The following DPYSL2 variants were observed in gnomAD, a reference collection of about 807,000 sequenced individuals.
The protein encoded by DPYSL2 is dihydropyrimidinase-related protein 2.
In DPYSL2, 13 loss-of-function variants were observed where a neutral mutation model predicts 69.9. The ratio of observed to expected loss-of-function variants is 0.19; its 90% CI spans 0.12 to 0.30. The LOEUF (loss-of-function observed/expected upper bound fraction) is 0.30. Ranked by LOEUF, DPYSL2 falls within the 10% of genes least tolerant of loss-of-function variation. DPYSL2 has a pLI of 1.00. For missense variants in DPYSL2, 587 were observed against 918.9 expected, an observed-to-expected ratio of 0.64 and a Z score of 4.67; for synonymous variants, 326 against 359.1, an observed-to-expected ratio of 0.91 and a Z score of 1.04.
chr8:26,558,199 A>T (rs11984763), intron 1 of DPYSL2, among the ~76,000 whole-genome samples: 133,065 of 152,134 alleles, frequency 0.87, 58,598 homozygotes, highest in East Asian at 0.99. Flanking sequence ...CAAGATGTCC[A>T]TGAGTAGGTG....
At chr8:26,618,265 G>A (rs930867906) in intron 3 of DPYSL2, among the ~76,000 whole-genome samples, 9 of 151,448 alleles carry the variant, frequency 5.9e-5, no homozygotes, top group Admixed American at 4.6e-4. Context: ...TTTTACCTAC[G>A]CTTTATTATG....
chr8:26,579,579 G>A (rs1801440137), intron 1 of DPYSL2, among the ~76,000 whole-genome samples: 1 of 152,208 alleles, frequency 6.6e-6, no homozygotes, highest in Non-Finnish European at 1.5e-5. Context: ...TGGGCACCCC[G>A]GCTTCCTCTC....
intron 1 of DPYSL2, among the ~76,000 whole-genome samples, chr8:26,563,430 A>G (rs6988101): frequency 0.098 from 14,956 of 152,248 alleles, 829 homozygotes; most frequent in Non-Finnish European, 0.12. Flanking sequence ...TGAAGCCCCA[A>G]TATCTTTTTC....
Position 26,648,685 on chromosome 8 carries a change from A to C in DPYSL2, c.1596+885A>C, listed in dbSNP as rs1456360877. On this transcript the variant is annotated intron_variant, in intron 11 of 13. Transcript: ENST00000521913. The surrounding 1 kb of genome is among the most constrained non-coding windows in gnomAD (Gnocchi z 4.3). ...AATCTTGAAGACAGCTCAGGCCAGC[A>C]AGCACTGACACCTCCCCCACACACC... Among the ~76,000 whole-genome samples the C allele has an allele frequency of 3.3e-5, 5 of 152,238 alleles. No individual in the cohort carries two copies. The highest frequency in any genetic ancestry group is 9.6e-5 in the African/African-American group (4 of 41,458).
rs1803297455 is a variant in DPYSL2 at position 26,652,417 on chromosome 8, G to A, written c.1757G>A (p.Arg586His). The stretch of plus-strand genomic sequence containing the variant: ...CCCTTCCCTGATTTTGTTTACAAGC[G>A]TATCAAGGCAAGGAGCAGGGTGAGT... ...RKPFPDFVYK[R>H]IKARSRLAEL... is the part of the protein sequence containing the mutation. Residue 586 changes from arginine (R) to histidine (H), a missense_variant, in exon 12 of 14, where the codon CGT becomes CAT. This residue lies in a region of DPYSL2 where 452 missense variants were observed against 754.3 expected (regional missense o/e 0.60). Transcript: ENST00000521913. This position sits in a 1 kb window ranked among gnomAD's most constrained non-coding sequence, Gnocchi z 6.3. 6.2e-7 allele frequency: 1 copy of A among 1,613,066 alleles called. No homozygotes were observed. Among genetic ancestry groups the A allele is most frequent in the Non-Finnish European group, 8.5e-7 (1 of 1,179,512 alleles).
intron 3 of DPYSL2, among the ~76,000 whole-genome samples, chr8:26,602,215 AC>A (rs1802010221): frequency 6.7e-6 from 1 of 149,038 alleles, no homozygotes; most frequent in Non-Finnish European, 1.5e-5. Context: ...TATTATTAAG[AC>A]TTTTTTGGGT....
At chr8:26,573,117 T>A (rs1034453129) in intron 1 of DPYSL2, among the ~76,000 whole-genome samples, 1 of 152,236 alleles carries the variant, frequency 6.6e-6, no homozygotes, top group African/African-American at 2.4e-5. Flanking sequence ...GAGCTTAAAA[T>A]CTAGGCAGCT....
rs17055494 is a variant in DPYSL2 at position 26,597,923 on chromosome 8, C to T, written c.628+13940C>T. Among the ~76,000 whole-genome samples the T allele has an allele frequency of 0.015, 2,336 of 152,188 alleles. 29 individuals carry two copies. Among genetic ancestry groups the T allele is most frequent in the Middle Eastern group, 0.068 (20 of 294 alleles). On this transcript the variant is annotated intron_variant, in intron 3 of 13. Coordinates refer to ENST00000521913, the MANE Select transcript of DPYSL2 (RefSeq NM_001197293.3). The surrounding 1 kb of genome is among the most constrained non-coding windows in gnomAD (Gnocchi z 5.2). ...GAAGTGTAATGGAAAGAATTTGAGG[C>T]CCAACCTTCTTGATGATGCATCTTC...
At position 26,621,762 on chromosome 8, in the gene DPYSL2, G is replaced by C. The variant is rs1352923256; in HGVS notation, c.629-2381G>C. Among the ~76,000 whole-genome samples the C allele has an allele frequency of 6.6e-6, 1 of 152,162 alleles. No homozygotes were observed. The highest frequency in any genetic ancestry group is 1.5e-5 in the Non-Finnish European group (1 of 68,036). ...CTTGGAGTTGCCCAGGGGTTGGGCA[G>C]GTCAAAGTGAAGAATGGCCGGGGTG... On this transcript the variant is annotated intron_variant, in intron 3 of 13. Transcript: ENST00000521913. This position sits in a 1 kb window ranked among gnomAD's most constrained non-coding sequence, Gnocchi z 4.9.
At chr8:26,625,775 G>A (rs1328000314) in intron 4 of DPYSL2, among the ~76,000 whole-genome samples, 1 of 152,278 alleles carries the variant, frequency 6.6e-6, no homozygotes, top group East Asian at 1.9e-4. Flanking sequence ...TGTTACAGTC[G>A]CAACAGACTT....
At position 26,620,258 on chromosome 8, in the gene DPYSL2, T is replaced by A. The variant is rs1802450913; in HGVS notation, c.629-3885T>A. ...TCTTGTGGAGGAAATGAGCTTTTAT[T>A]TTTTTCCTTTTTTTTTGAGGCAGTC... On this transcript the variant is annotated intron_variant, in intron 3 of 13. Transcript: ENST00000521913. This position sits in a 1 kb window ranked among gnomAD's most constrained non-coding sequence, Gnocchi z 4.5. Among the ~76,000 whole-genome samples, 1 of 152,080 alleles carries A rather than the reference T, an allele frequency of 6.6e-6. No homozygotes were observed. Among genetic ancestry groups the A allele is most frequent in the African/African-American group, 2.4e-5 (1 of 41,372 alleles).
At position 26,562,135 on chromosome 8, in the gene DPYSL2, CAA is replaced by C. The variant is rs1235417458; in HGVS notation, c.355-19833_355-19832del. Among the ~76,000 whole-genome samples the C allele has an allele frequency of 6.6e-6, 1 of 152,190 alleles. No individual in the cohort carries two copies. The highest frequency in any genetic ancestry group is 6.5e-5 in the Admixed American group (1 of 15,278). ...TAGTGACTTTTATTGGCAGCAGAAACAAGAGTGGATAAGAGGAAGGACACACA... is the reference window on the plus strand; with the variant it reads ...TAGTGACTTTTATTGGCAGCAGAAACGAGTGGATAAGAGGAAGGACACACA... On this transcript the variant is annotated intron_variant, in intron 1 of 13. Coordinates refer to ENST00000521913, the MANE Select transcript of DPYSL2 (RefSeq NM_001197293.3). This position sits in a 1 kb window ranked among gnomAD's most constrained non-coding sequence, Gnocchi z 4.9.
Position 26,653,331 on chromosome 8 carries a change from A to G in DPYSL2, c.1876A>G (p.Thr626Ala), listed in dbSNP as rs1803317734. Residue 626 changes from threonine (T) to alanine (A), a missense_variant, in exon 13 of 14, where the codon ACG becomes GCG. Around this residue, in one of 3 missense-constraint regions of DPYSL2, gnomAD observed 452 missense variants for 754.3 expected, o/e 0.60. Transcript: ENST00000521913. This position sits in a 1 kb window ranked among gnomAD's most constrained non-coding sequence, Gnocchi z 5.7. ...AGTCACTCCAGCCTCCTCGGCCAAG[A>G]CGTCTCCTGCCAAGCAGCAGGCCCC... ...KTVTPASSAK[T>A]SPAKQQAPPV... is the part of the protein sequence containing the mutation. 6.2e-7 allele frequency: 1 copy of G among 1,613,948 alleles called. No homozygotes were observed. Among genetic ancestry groups the G allele is most frequent in the Non-Finnish European group, 8.5e-7 (1 of 1,180,020 alleles).
Position 26,652,819 on chromosome 8 carries a change from A to T in DPYSL2, c.1776+383A>T, listed in dbSNP as rs1174639485. ...GGAATTTGATAAGAGTATCATGAGC[A>T]TAGAAAATGTACAGTGTATTCAGGG... On this transcript the variant is annotated intron_variant, in intron 12 of 13. Transcript: ENST00000521913. The surrounding 1 kb of genome is among the most constrained non-coding windows in gnomAD (Gnocchi z 6.3). Among the ~76,000 whole-genome samples, 1 of 152,318 alleles carries T rather than the reference A, an allele frequency of 6.6e-6. No individual in the cohort carries two copies. Among genetic ancestry groups the T allele is most frequent in the East Asian group, 1.9e-4 (1 of 5,192 alleles).
In DPYSL2 at chr8:26,626,518, C is replaced by A; in HGVS notation, c.794-99C>A. ...ACACACACACACACACACACACACA[C>A]ACACGTACACACACAGACAGTATTA... On this transcript the variant is annotated intron_variant, in intron 4 of 13. Transcript: ENST00000521913. The surrounding 1 kb of genome is among the most constrained non-coding windows in gnomAD (Gnocchi z 4.3). The A allele has an allele frequency of 1.1e-6, 1 of 924,044 alleles. No individual in the cohort carries two copies. The highest frequency in any genetic ancestry group is 1.7e-5 in the African/African-American group (1 of 57,692). The allele number at this position is 924,044 out of a possible 1,614,324, so 57.2% of individuals were successfully genotyped here.
intron 1 of DPYSL2, among the ~76,000 whole-genome samples, chr8:26,546,230 A>G (rs938396642): frequency 1.3e-5 from 2 of 152,204 alleles, no homozygotes; most frequent in African/African-American, 4.8e-5. Context: ...TTATACCTAA[A>G]GATTTCATTT....
chr8:26,589,697 GC>G (rs1215406603), intron 3 of DPYSL2, among the ~76,000 whole-genome samples: 2 of 152,264 alleles, frequency 1.3e-5, no homozygotes, highest in African/African-American at 4.8e-5. Flanking sequence ...GAAGCCGAGA[GC>G]CCAGGCATGG....
chr8:26,529,555 G>A (rs1422307577), intron 1 of DPYSL2, among the ~76,000 whole-genome samples: 2 of 151,736 alleles, frequency 1.3e-5, no homozygotes, highest in African/African-American at 2.4e-5. Flanking sequence ...GGGCTCAAGG[G>A]ATCCTCCTGC....
Position 26,637,217 on chromosome 8 carries a change from T to G in DPYSL2, c.1126+2317T>G, listed in dbSNP as rs369218258. Among the ~76,000 whole-genome samples the G allele has an allele frequency of 1.2e-4, 18 of 152,338 alleles. No individual in the cohort carries two copies. The East Asian group carries it at 3.1e-3, about 26-fold the overall frequency. The stretch of plus-strand genomic sequence containing the variant: ...TGTTACCCATTAATCTGTGAAAGCC[T>G]GAGCTTTAGACAAACCTGAGCTGCC... On this transcript the variant is annotated intron_variant, in intron 8 of 13. Coordinates refer to ENST00000521913, the MANE Select transcript of DPYSL2 (RefSeq NM_001197293.3).
Sources: allele counts gnomAD v4.1 joint callset (sites outside exome capture counted in the v4.1 genomes callset), GRCh38; gene constraint gnomAD v4.1.1; regional missense constraint gnomAD v4.1.1; non-coding constraint Gnocchi (gnomAD v3.1); transcripts MANE v1.5; gene names NCBI Gene and HGNC (gene_info 2026-07-23, HGNC 2026-07-21).